The following ROBO2 variants were observed in gnomAD, a reference collection of about 807,000 sequenced individuals.
ROBO2 encodes roundabout homolog 2.
ROBO2 carries 53 observed loss-of-function variants against 160.8 expected under a neutral mutation model. The ratio of observed to expected loss-of-function variants is 0.33; its 90% CI spans 0.26 to 0.41. The LOEUF (loss-of-function observed/expected upper bound fraction) is 0.41, where lower values mean the gene tolerates loss of function less well. ROBO2 is among the 10% of genes least tolerant of loss of function. The pLI is 1.00. For missense variants in ROBO2, 1,577 were observed against 1,722.4 expected, an observed-to-expected ratio of 0.92 and a Z score of 1.49; for synonymous variants, 664 against 611.7, an observed-to-expected ratio of 1.09 and a Z score of -1.26.
intron 2 of ROBO2, among the ~76,000 whole-genome samples, chr3:76,024,537 A>G (rs1037419992): frequency 6.6e-6 from 1 of 151,660 alleles, no homozygotes; most frequent in Non-Finnish European, 1.5e-5. Flanking sequence ...AAAGATGACT[A>G]TAACATGCAA....
chr3:76,876,624 G>A (rs2072752960), intron 2 of ROBO2, among the ~76,000 whole-genome samples: 1 of 151,706 alleles, frequency 6.6e-6, no homozygotes, highest in African/African-American at 2.4e-5. Flanking sequence ...GCAGTGAGCC[G>A]AGATCATGCC....
chr3:76,756,569 A>C (rs1340700206), intron 2 of ROBO2, among the ~76,000 whole-genome samples: 1 of 151,914 alleles, frequency 6.6e-6, no homozygotes, highest in Non-Finnish European at 1.5e-5. Flanking sequence ...CAAAAGGAAA[A>C]TATGCAGTAG....
At chr3:76,802,439 C>T (rs2064275614) in intron 2 of ROBO2, among the ~76,000 whole-genome samples, 1 of 152,228 alleles carries the variant, frequency 6.6e-6, no homozygotes, top group Non-Finnish European at 1.5e-5. Context: ...TAAGATACCA[C>T]CTTCAGAGGC....
intron 2 of ROBO2, among the ~76,000 whole-genome samples, chr3:76,468,611 G>T (rs1187861123): frequency 1.3e-5 from 2 of 151,728 alleles, no homozygotes; most frequent in African/African-American, 4.8e-5. Flanking sequence ...ATATTTTCCT[G>T]CTATGTTCAA....
intron 2 of ROBO2, among the ~76,000 whole-genome samples, chr3:76,324,923 G>C (rs1395102927): frequency 6.6e-6 from 1 of 152,092 alleles, no homozygotes; most frequent in Non-Finnish European, 1.5e-5. Context: ...TGGCTAACAC[G>C]GTGAAACCCC....
At chr3:76,231,080 T>G (rs1375382891) in intron 2 of ROBO2, among the ~76,000 whole-genome samples, 1 of 152,150 alleles carries the variant, frequency 6.6e-6, no homozygotes, top group African/African-American at 2.4e-5. Flanking sequence ...GACTTACTGC[T>G]TTCAGAACAA....
intron 2 of ROBO2, among the ~76,000 whole-genome samples, chr3:76,103,874 G>C (rs566132430): frequency 1.5e-4 from 23 of 152,334 alleles, no homozygotes; most frequent in African/African-American, 5.3e-4. Flanking sequence ...TGTTGACGCA[G>C]TGCTTATGCC....
chr3:75,930,168 T>C (rs539743377), intron 1 of ROBO2, among the ~76,000 whole-genome samples: 1 of 152,306 alleles, frequency 6.6e-6, no homozygotes, highest in South Asian at 2.1e-4. Flanking sequence ...TTTATTGTCA[T>C]CAAATCTGAA....
At chr3:76,135,401 C>T (rs1030035260) in intron 2 of ROBO2, among the ~76,000 whole-genome samples, 2 of 152,096 alleles carry the variant, frequency 1.3e-5, no homozygotes, top group Non-Finnish European at 2.9e-5. Context: ...CTTTACCACT[C>T]TCTTTAATGG....
intron 2 of ROBO2, among the ~76,000 whole-genome samples, chr3:76,784,155 A>G (rs1312560906): frequency 6.6e-6 from 1 of 151,130 alleles, no homozygotes; most frequent in Admixed American, 6.6e-5. Flanking sequence ...TTATGGCAAT[A>G]TTATATTACC....
At chr3:76,174,523 C>G (rs1443742091) in intron 2 of ROBO2, among the ~76,000 whole-genome samples, 1 of 152,106 alleles carries the variant, frequency 6.6e-6, no homozygotes, top group Non-Finnish European at 1.5e-5. Flanking sequence ...TTTAATCCAT[C>G]TTGAGTTATT....
exon 1 of ROBO2, chr3:77,040,580 CTG>C: frequency 1.4e-6 from 2 of 1,431,668 alleles, no homozygotes; most frequent in Non-Finnish European, 1.8e-6. Flanking sequence ...GAAGTACCCT[CTG>C]TTAATTTGGA....
intron 2 of ROBO2, among the ~76,000 whole-genome samples, chr3:76,497,687 G>A (rs1253792840): frequency 2.6e-5 from 4 of 152,190 alleles, no homozygotes; most frequent in African/African-American, 7.2e-5. Flanking sequence ...TAGATTTTGA[G>A]TGAAGCCGAG....
intron 1 of ROBO2, among the ~76,000 whole-genome samples, chr3:77,090,099 G>GT (rs2069928194): frequency 6.6e-6 from 1 of 152,020 alleles, no homozygotes. Flanking sequence ...CAGCTAAAAT[G>GT]TATCAAGCAA....
chr3:76,248,204 C>T (rs929217141), intron 2 of ROBO2, among the ~76,000 whole-genome samples: 24 of 151,818 alleles, frequency 1.6e-4, no homozygotes, highest in African/African-American at 4.4e-4. Flanking sequence ...ATGTTTATTG[C>T]GGCATTATTC....
At chr3:77,487,006 T>C (rs879355482) in intron 4 of ROBO2, among the ~76,000 whole-genome samples, 3 of 152,244 alleles carry the variant, frequency 2.0e-5, no homozygotes, top group Admixed American at 1.3e-4. Flanking sequence ...ATGTTCAGAT[T>C]GAGAACTAAC....
intron 2 of ROBO2, among the ~76,000 whole-genome samples, chr3:76,230,350 G>A (rs192465164): frequency 4.6e-5 from 7 of 151,712 alleles, no homozygotes; most frequent in East Asian, 1.9e-4. Flanking sequence ...TACATAGCAC[G>A]TCCTTCCCAG....
At chr3:76,422,240 TC>T (rs1436195736) in intron 2 of ROBO2, among the ~76,000 whole-genome samples, 2 of 152,158 alleles carry the variant, frequency 1.3e-5, no homozygotes, top group African/African-American at 4.8e-5. Context: ...TCTTCAGTGG[TC>T]CCCACTGCCC....
chr3:77,606,528 G>A (rs1372505319), intron 20 of ROBO2, among the ~76,000 whole-genome samples: 1 of 152,152 alleles, frequency 6.6e-6, no homozygotes, highest in African/African-American at 2.4e-5. Flanking sequence ...TGTGTGCAGG[G>A]ATGTTCTTTG....
Sources: gnomAD v4.1 joint callset for allele counts (sites outside exome capture counted in the v4.1 genomes callset) on GRCh38, gnomAD v4.1.1 for gene constraint, MANE v1.5 for transcripts, NCBI Gene and HGNC (gene_info 2026-07-23, HGNC 2026-07-21) for gene names.